DDIT4: variants seen among roughly 807,000 people sequenced by gnomAD.
DDIT4 encodes the protein DNA damage inducible transcript 4.
In DDIT4, 20 loss-of-function variants were observed where a neutral mutation model predicts 20.2. The ratio of observed to expected loss-of-function variants is 0.99; its 90% CI spans 0.70 to 1.44. The LOEUF (loss-of-function observed/expected upper bound fraction) is 1.44, where lower values mean the gene tolerates loss of function less well. DDIT4 is among the 40% of genes most tolerant of loss of function. The pLI is 0.00. For synonymous variants in DDIT4, 152 were observed against 144.6 expected, an observed-to-expected ratio of 1.05 and a Z score of -0.37; for missense variants, 316 against 298.1, an observed-to-expected ratio of 1.06 and a Z score of -0.44.
Position 72,275,161 on chromosome 10 carries a change from G to A in DDIT4, c.672G>A (p.Ser224=), listed in dbSNP as rs1482828511. 3 of 1,611,826 alleles carry A rather than the reference G, an allele frequency of 1.9e-6. No homozygotes were observed. The highest frequency in any genetic ancestry group is 2.5e-6 in the Non-Finnish European group (3 of 1,179,926). Residue 224 remains serine (S), a synonymous_variant, in exon 3 of 3, where the codon TCG becomes TCA. Transcript: ENST00000307365. The part of the protein sequence containing the change: ...FRVIKKKLYS[S]EQLLIEEC ...TCATCAAGAAGAAGCTGTACAGCTC[G>A]GAACAGCTGCTCATTGAGGAGTGTT...
chr10:72,274,436 G>C lies in DDIT4; in HGVS notation c.205+15G>C. The C allele has an allele frequency of 6.5e-7, 1 of 1,538,420 alleles. No homozygotes were observed. Among genetic ancestry groups the C allele is most frequent in the Non-Finnish European group, 8.7e-7 (1 of 1,147,074 alleles). ...GCCGGAGGAAGGTGAGCGGTGGGCG[G>C]GTGCCGACGCGACTCGAGGGGCCGG... On this transcript the variant is annotated intron_variant, in intron 2 of 2. Transcript: ENST00000307365.
chr10:72,274,105 T>A (rs1395687458), intron 1 of DDIT4, 45 bp downstream of exon 1: 2 of 856,942 alleles, frequency 2.3e-6, no homozygotes, highest in African/African-American at 3.3e-5. Flanking sequence ...CGCGGTCTGG[T>A]CTGGTCTGGT....
At position 72,274,387 on chromosome 10, in the gene DDIT4, G is replaced by C; in HGVS notation, c.171G>C (p.Leu57=). ...TSLESSDCES[L]DSSNSGFGPE... The stretch of plus-strand genomic sequence containing the variant: ...TGGAGAGCTCGGACTGCGAGTCCCT[G>C]GACAGCAGCAACAGTGGCTTCGGGC... The change falls in exon 2 of 3, where the codon CTG becomes CTC. Residue 57 remains leucine, a synonymous_variant. Coordinates refer to ENST00000307365, the MANE Select transcript of DDIT4 (RefSeq NM_019058.4). 6.3e-7 allele frequency: 1 copy of C among 1,597,082 alleles called. No individual in the cohort carries two copies. Among genetic ancestry groups the C allele is most frequent in the Non-Finnish European group, 8.5e-7 (1 of 1,172,256 alleles).
In DDIT4 at chr10:72,275,017, C is replaced by A; in HGVS notation, c.528C>A (p.Thr176=). The change falls in exon 3 of 3, where the codon ACC becomes ACA. Residue 176 remains threonine (T), a synonymous_variant. Transcript: ENST00000307365. ...DPSLVPTFQL[T]LVLRLDSRLW... ...GCCTGGTGCCCACCTTCCAGCTGAC[C>A]CTCGTGCTGCGCCTGGACTCACGAC... 6.2e-7 allele frequency: 1 copy of A among 1,613,528 alleles called. No individual in the cohort carries two copies. Among genetic ancestry groups the A allele is most frequent in the Non-Finnish European group, 8.5e-7 (1 of 1,179,988 alleles).
rs746252099 is a variant in DDIT4 at position 72,274,901 on chromosome 10, G to A, written c.412G>A (p.Glu138Lys). The change falls in exon 3 of 3, where the codon GAG (glutamate) becomes AAG (lysine). Residue 138 changes from glutamate (E) to lysine (K), a missense_variant. By Grantham distance (56) the Glu-to-Lys change is moderately conservative. Coordinates refer to ENST00000307365, the MANE Select transcript of DDIT4 (RefSeq NM_019058.4). ...GKELLRLAYS[E>K]PCGLRGALLD... ...AGAACTACTGCGCCTGGCCTACAGC[G>A]AGCCGTGCGGCCTGCGGGGGGCGCT... 5.6e-6 allele frequency: 9 copies of A among 1,612,844 alleles called. No homozygotes were observed. The highest frequency in any genetic ancestry group is 1.3e-5 in the African/African-American group (1 of 75,052).
Position 72,275,485 on chromosome 10 carries a change from C to T in DDIT4, c.*297C>T. On this transcript the variant is annotated 3_prime_UTR_variant, in exon 3 of 3. Coordinates refer to ENST00000307365, the MANE Select transcript of DDIT4 (RefSeq NM_019058.4). ...TGTACCTTATTATTTTTGTTACTGA[C>T]AGTTAACAGTGGTGTGACATCCAGA... 3.4e-6 allele frequency: 1 copy of T among 295,370 alleles called. No homozygotes were observed. The highest frequency in any genetic ancestry group is 4.9e-5 in the South Asian group (1 of 20,292). 18.3% of individuals were successfully genotyped at this position (295,370 alleles called of 1,614,324 possible).
chr10:72,273,965 G>T lies in DDIT4; in HGVS notation c.-156G>T, dbSNP rs1860793569. 2 of 560,770 alleles carry T rather than the reference G, an allele frequency of 3.6e-6. No homozygotes were observed. The highest frequency in any genetic ancestry group is 2.0e-5 in the South Asian group (1 of 49,934). The allele number at this position is 560,770 out of a possible 1,614,324, so 34.7% of individuals were successfully genotyped here. A position where few individuals can be genotyped will look rare whatever the true frequency, so the allele number is the denominator to read the frequency against. On this transcript the variant is annotated 5_prime_UTR_variant, in exon 1 of 3. Transcript: ENST00000307365. ...GAGGTGCGAGCGTGGACCTGGGACG[G>T]GTCTGGGCGGCTCTCGGTGGTTGGC...
chr10:72,274,299 G>A lies in DDIT4; in HGVS notation c.83G>A (p.Arg28Gln), dbSNP rs1860799691. ...SSLPRTPTPD[R>Q]PPRSAWGSAT... Reference sequence around the variant, plus strand: ...TTGCCCCGAACTCCCACCCCAGATCGGCCGCCGCGCTCAGCCTGGGGGTCG... The same window carrying A: ...TTGCCCCGAACTCCCACCCCAGATCAGCCGCCGCGCTCAGCCTGGGGGTCG... Residue 28 changes from arginine (R) to glutamine (Q), a missense_variant, in exon 2 of 3, where the codon CGG (arginine) becomes CAG (glutamine). By Grantham distance (43) the Arg-to-Gln change is conservative (BLOSUM62 1). Coordinates refer to ENST00000307365, the MANE Select transcript of DDIT4 (RefSeq NM_019058.4). 1.2e-6 allele frequency: 2 copies of A among 1,613,102 alleles called. No homozygotes were observed. Among genetic ancestry groups the A allele is most frequent in the African/African-American group, 2.7e-5 (2 of 74,906 alleles).
Position 72,275,200 on chromosome 10 carries a change from A to T in DDIT4, c.*12A>T. ...TTGAGGAGTGTTGAACTTCAACCTG[A>T]GGGGGCCGACAGTGCCCTCCAAGAC... On this transcript the variant is annotated 3_prime_UTR_variant, in exon 3 of 3. Coordinates refer to ENST00000307365, the MANE Select transcript of DDIT4 (RefSeq NM_019058.4). 6.2e-7 allele frequency: 1 copy of T among 1,600,082 alleles called. No homozygotes were observed. The highest frequency in any genetic ancestry group is 8.5e-7 in the Non-Finnish European group (1 of 1,176,424).
Position 72,275,452 on chromosome 10 carries a change from G to A in DDIT4, c.*264G>A, listed in dbSNP as rs1860818467. The A allele has an allele frequency of 6.3e-6, 3 of 477,540 alleles. No individual in the cohort carries two copies. The highest frequency in any genetic ancestry group is 2.0e-5 in the African/African-American group (1 of 51,262). 29.6% of individuals were successfully genotyped at this position (477,540 alleles called of 1,614,324 possible). ...CAACAAGGCTTCCAGCTGGATGTGT[G>A]TGTAGCATGTACCTTATTATTTTTG... is the stretch of plus-strand genomic sequence containing the variant. On this transcript the variant is annotated 3_prime_UTR_variant, in exon 3 of 3. Coordinates refer to ENST00000307365, the MANE Select transcript of DDIT4 (RefSeq NM_019058.4).
Position 72,274,257 on chromosome 10 carries a change from C to G in DDIT4, c.41C>G (p.Ser14Cys). 6.2e-7 allele frequency: 1 copy of G among 1,613,816 alleles called. No homozygotes were observed. The highest frequency in any genetic ancestry group is 8.5e-7 in the Non-Finnish European group (1 of 1,179,970). The change falls in exon 2 of 3, where the codon TCC becomes TGC. Residue 14 changes from serine (S) to cysteine (C), a missense_variant. Ser to Cys is a moderately radical substitution (Grantham distance 112). Coordinates refer to ENST00000307365, the MANE Select transcript of DDIT4 (RefSeq NM_019058.4). Reference protein sequence around the residue: ...LWDRFSSSSTSSSPSSLPRTP... With the variant: ...LWDRFSSSSTCSSPSSLPRTP... ...GACCGCTTCTCGTCGTCGTCCACCTCCTCTTCGCCCTCGTCCTTGCCCCGA... is the reference window on the plus strand; with the variant it reads ...GACCGCTTCTCGTCGTCGTCCACCTGCTCTTCGCCCTCGTCCTTGCCCCGA...
chr10:72,275,323 G>A lies in DDIT4; in HGVS notation c.*135G>A. The stretch of plus-strand genomic sequence containing the variant: ...GAGGCAGCCACCTAAGGTGGAGGTG[G>A]GGGAATAGTGTTTCCCAGGAAGCTC... On this transcript the variant is annotated 3_prime_UTR_variant, in exon 3 of 3. Transcript: ENST00000307365. 1 of 970,356 alleles carries A rather than the reference G, an allele frequency of 1.0e-6. No individual in the cohort carries two copies. The highest frequency in any genetic ancestry group is 1.5e-6 in the Non-Finnish European group (1 of 670,492). 60.1% of individuals were successfully genotyped at this position (970,356 alleles called of 1,614,324 possible). A position where few individuals can be genotyped will look rare whatever the true frequency, so the allele number is the denominator to read the frequency against.
chr10:72,274,536 T>C, intron 2 of DDIT4, 115 bp downstream of exon 2: 2 of 1,413,702 alleles, frequency 1.4e-6, no homozygotes, highest in Non-Finnish European at 1.9e-6. Flanking sequence ...CCCAGATTGC[T>C]TGGGGGCAGG....
rs3194211 is a variant in DDIT4 at position 72,274,331 on chromosome 10, C to A, written c.115C>A (p.Arg39=). ...GCGCTCAGCCTGGGGGTCGGCGACCCGGGAGGAGGGGTTTGACCGCTCCAC... is the reference window on the plus strand; with the variant it reads ...GCGCTCAGCCTGGGGGTCGGCGACCAGGGAGGAGGGGTTTGACCGCTCCAC... ...PPRSAWGSAT[R]EEGFDRSTSL... Residue 39 remains arginine, a synonymous_variant, in exon 2 of 3, where the codon CGG becomes AGG. Coordinates refer to ENST00000307365, the MANE Select transcript of DDIT4 (RefSeq NM_019058.4). The A allele has an allele frequency of 2.5e-6, 4 of 1,612,188 alleles. No homozygotes were observed. Among genetic ancestry groups the A allele is most frequent in the Non-Finnish European group, 3.4e-6 (4 of 1,179,910 alleles).
chr10:72,274,585 G>T, intron 2 of DDIT4, 110 bp from the exon 3 acceptor site: 2 of 1,452,050 alleles, frequency 1.4e-6, no homozygotes, highest in Non-Finnish European at 1.8e-6. Flanking sequence ...GGAAACTGAG[G>T]CACGGAGTGG....
rs1224264887 is a variant in DDIT4 at position 72,274,870 on chromosome 10, G to T, written c.381G>T (p.Val127=). 13 of 1,613,256 alleles carry T rather than the reference G, an allele frequency of 8.1e-6. No homozygotes were observed. Among genetic ancestry groups the T allele is most frequent in the Non-Finnish European group, 9.3e-6 (11 of 1,180,014 alleles). ...TGCCTAGCCAGTTGGTAAGCCAGGT[G>T]GGCAAAGAACTACTGCGCCTGGCCT... is the stretch of plus-strand genomic sequence containing the variant. ...LLMPSQLVSQ[V]GKELLRLAYS... The change falls in exon 3 of 3, where the codon GTG becomes GTT. Residue 127 remains valine (V), a synonymous_variant. Transcript: ENST00000307365.
In DDIT4 at chr10:72,274,581, T is replaced by G. The variant is rs551403953; in HGVS notation, c.206-114T>G. 7.4e-5 allele frequency: 108 copies of G among 1,450,356 alleles called. No homozygotes were observed. The South Asian group carries it at 1.4e-3, about 19-fold the overall frequency. 89.8% of individuals were successfully genotyped at this position (1,450,356 alleles called of 1,614,324 possible). On this transcript the variant is annotated intron_variant, in intron 2 of 2. Coordinates refer to ENST00000307365, the MANE Select transcript of DDIT4 (RefSeq NM_019058.4). Reference sequence around the variant, plus strand: ...AGTATAAGGTGAGTGAGGCGGAAACTGAGGCACGGAGTGGGAAGGAGCGTT... The same window carrying G: ...AGTATAAGGTGAGTGAGGCGGAAACGGAGGCACGGAGTGGGAAGGAGCGTT...
In DDIT4 at chr10:72,274,766, T is replaced by C; in HGVS notation, c.277T>C (p.Cys93Arg). 2 of 1,614,098 alleles carry C rather than the reference T, an allele frequency of 1.2e-6. No homozygotes were observed. Among genetic ancestry groups the C allele is most frequent in the East Asian group, 2.2e-5 (1 of 44,882 alleles). The change falls in exon 3 of 3, where the codon TGT becomes CGT. Residue 93 changes from cysteine (C) to arginine (R), a missense_variant. Transcript: ENST00000307365. ...CAGTGACCCTGAGGATGAACACTTG[T>C]GTGCCAACCTGATGCAGCTGCTGCA... ...LLSDPEDEHL[C>R]ANLMQLLQES...
chr10:72,275,988 G>A lies in DDIT4; in HGVS notation c.*800G>A, dbSNP rs1033031517. 1.3e-5 allele frequency: 2 copies of A among 152,654 alleles called. No homozygotes were observed. Among genetic ancestry groups the A allele is most frequent in the Admixed American group, 1.3e-4 (2 of 15,276 alleles). The allele number at this position is 152,654 out of a possible 1,614,324, so 9.5% of individuals were successfully genotyped here. A position where few individuals can be genotyped will look rare whatever the true frequency, so the allele number is the denominator to read the frequency against. On this transcript the variant is annotated 3_prime_UTR_variant, in exon 3 of 3. Coordinates refer to ENST00000307365, the MANE Select transcript of DDIT4 (RefSeq NM_019058.4). ...AATACACTTGATGTTCAAGTATTAA[G>A]ACCTATGCAATATTTTTTACTTTTC...
Sources: allele counts gnomAD v4.1 joint callset, GRCh38; gene constraint gnomAD v4.1.1; transcripts MANE v1.5; gene names NCBI Gene and HGNC (gene_info 2026-07-23, HGNC 2026-07-21).